Variants in ITK observed in about 807,000 individuals in gnomAD.
ITK encodes the protein IL2 inducible T cell kinase, also known as tyrosine-protein kinase ITK/TSK.
A neutral mutation model predicts 87.6 loss-of-function variants in ITK; 45 were observed. The ratio of observed to expected loss-of-function variants is 0.51; its 90% CI spans 0.40 to 0.66. The LOEUF is 0.66. ITK is among the 30% of genes least tolerant of loss of function. The probability of loss-of-function intolerance (pLI) is 0.00; values close to 1 mark genes in which losing one functional copy is unlikely to be tolerated. For synonymous variants in ITK, 303 were observed against 273.6 expected, an observed-to-expected ratio of 1.11 and a Z score of -1.06; for missense variants, 605 against 766.3, an observed-to-expected ratio of 0.79 and a Z score of 2.48.
chr5:157,252,693 C>G lies in ITK; in HGVS notation c.*15C>G. 6.3e-7 allele frequency: 1 copy of G among 1,586,524 alleles called. No homozygotes were observed. On this transcript the variant is annotated 3_prime_UTR_variant, in exon 17 of 17. Coordinates refer to ENST00000422843, the MANE Select transcript of ITK (RefSeq NM_005546.4). ...CAGGACTTTAGTAGAGACTGAGTAC[C>G]AGGCCACGGGCTGCAGATCCTGAAT...
chr5:157,254,481 G>A lies in ITK; in HGVS notation c.*1803G>A, dbSNP rs189339522. 4 of 220,890 alleles carry A rather than the reference G, an allele frequency of 1.8e-5. No homozygotes were observed. The highest frequency in any genetic ancestry group is 5.7e-5 in the Admixed American group (1 of 17,404). 13.7% of individuals were successfully genotyped at this position (220,890 alleles called of 1,614,324 possible). On this transcript the variant is annotated 3_prime_UTR_variant, in exon 17 of 17. Coordinates refer to ENST00000422843, the MANE Select transcript of ITK (RefSeq NM_005546.4). ...TGTAGTCTTCTTGAACACTTCATGA[G>A]GAGGGACATTCCCTGATATAAGAGA...
chr5:157,214,066 G>A lies in ITK; in HGVS notation c.326-125G>A, dbSNP rs1754247888. 4 of 799,104 alleles carry A rather than the reference G, an allele frequency of 5.0e-6. No homozygotes were observed. In the South Asian group the frequency reaches 5.4e-5, roughly 11 times the overall value. The allele number at this position is 799,104 out of a possible 1,614,324, so 49.5% of individuals were successfully genotyped here. The stretch of plus-strand genomic sequence containing the variant: ...TGCGCTCAGATCAACCCATGCTTCT[G>A]AGTGGTCTGGGCAATACTCATTCAG... On this transcript the variant is annotated intron_variant, in intron 3 of 16. Coordinates refer to ENST00000422843, the MANE Select transcript of ITK (RefSeq NM_005546.4).
At chr5:157,222,136 A>G (rs1754432226) in intron 5 of ITK, among the ~76,000 whole-genome samples, 1 of 152,198 alleles carries the variant, frequency 6.6e-6, no homozygotes, top group South Asian at 2.1e-4. Context: ...ACCACATTCT[A>G]GTGAGGAACT....
chr5:157,243,098 G>A (rs1252798478), intron 11 of ITK, among the ~76,000 whole-genome samples: 1 of 152,198 alleles, frequency 6.6e-6, no homozygotes, highest in Non-Finnish European at 1.5e-5. Flanking sequence ...TGAGGAAATT[G>A]AGCCTCGGAA....
chr5:157,182,181 A>G (rs142672961), intron 1 of ITK, among the ~76,000 whole-genome samples: 27 of 152,354 alleles, frequency 1.8e-4, no homozygotes, highest in Non-Finnish European at 2.9e-4. Flanking sequence ...GACAAGGATT[A>G]TCACTTATAT....
chr5:157,252,702 G>A lies in ITK; in HGVS notation c.*24G>A, dbSNP rs1755167281. On this transcript the variant is annotated 3_prime_UTR_variant, in exon 17 of 17. Coordinates refer to ENST00000422843, the MANE Select transcript of ITK (RefSeq NM_005546.4). ...AGTAGAGACTGAGTACCAGGCCACG[G>A]GCTGCAGATCCTGAATGGAGGAAGG... is the stretch of plus-strand genomic sequence containing the variant. 1.3e-6 allele frequency: 2 copies of A among 1,551,464 alleles called. No individual in the cohort carries two copies. Among genetic ancestry groups the A allele is most frequent in the Non-Finnish European group, 1.8e-6 (2 of 1,122,692 alleles).
chr5:157,209,002 A>G lies in ITK; in HGVS notation c.243+9A>G, dbSNP rs757220870. On this transcript the variant is annotated intron_variant, in intron 2 of 16. Coordinates refer to ENST00000422843, the MANE Select transcript of ITK (RefSeq NM_005546.4). ...ATAAATACCCGTTTCAGGTAAGTCC[A>G]TCAGGTGGGTAGTTCCCCATTCCCT... The G allele has an allele frequency of 1.9e-6, 3 of 1,567,594 alleles. No homozygotes were observed. The East Asian group carries it at 6.7e-5, about 35-fold the overall frequency.
intron 1 of ITK, among the ~76,000 whole-genome samples, chr5:157,201,688 A>AG (rs1488736281): frequency 6.8e-6 from 1 of 147,668 alleles, no homozygotes; most frequent in Non-Finnish European, 1.5e-5. Context: ...CTCCAGATTG[A>AG]GAAAAAAAAG....
intron 1 of ITK, among the ~76,000 whole-genome samples, chr5:157,198,980 T>G (rs554259090): frequency 2.3e-4 from 35 of 152,268 alleles, no homozygotes; most frequent in African/African-American, 8.2e-4. Flanking sequence ...ACCCAGACTG[T>G]TGTTGAACTC....
chr5:157,209,387 C>G (rs558946936), intron 2 of ITK, among the ~76,000 whole-genome samples: 1 of 151,768 alleles, frequency 6.6e-6, no homozygotes, highest in Non-Finnish European at 1.5e-5. Context: ...GGATGACTCT[C>G]TGCCTCTCTG....
chr5:157,211,586 C>T (rs1324064793), intron 3 of ITK: 1 of 583,962 alleles, frequency 1.7e-6, no homozygotes, highest in Non-Finnish European at 3.1e-6. Context: ...TCTTGTCAGG[C>T]TCTGAGCAAT....
At chr5:157,237,941 T>G (rs1029359615) in intron 8 of ITK, among the ~76,000 whole-genome samples, 168 bp from the exon 9 acceptor site, 1 of 152,198 alleles carries the variant, frequency 6.6e-6, no homozygotes, top group African/African-American at 2.4e-5. Context: ...CCAAGAAATA[T>G]CTACGGAAGG....
chr5:157,186,823 C>T (rs1753653716), intron 1 of ITK, among the ~76,000 whole-genome samples: 1 of 152,222 alleles, frequency 6.6e-6, no homozygotes, highest in Non-Finnish European at 1.5e-5. Flanking sequence ...TACCACCTCT[C>T]ATGTTGTCCC....
intron 1 of ITK, among the ~76,000 whole-genome samples, chr5:157,206,730 T>A (rs1293705282): frequency 6.6e-6 from 1 of 152,196 alleles, no homozygotes. Context: ...AGTGGTAACA[T>A]CCTCTTTGTC....
chr5:157,222,857 C>T lies in ITK; in HGVS notation c.496-6C>T. ...TTTGCTTGGTTTTGTTGTCTCTCTT[C>T]CCCAGCGACCACTTTGGGAACCTGA... is the stretch of plus-strand genomic sequence containing the variant. On this transcript the variant is annotated splice_polypyrimidine_tract_variant and splice_region_variant and intron_variant, in intron 5 of 16. Coordinates refer to ENST00000422843, the MANE Select transcript of ITK (RefSeq NM_005546.4). The T allele has an allele frequency of 6.2e-7, 1 of 1,613,930 alleles. No individual in the cohort carries two copies. The highest frequency in any genetic ancestry group is 1.1e-5 in the South Asian group (1 of 91,066).
intron 1 of ITK, among the ~76,000 whole-genome samples, chr5:157,207,935 G>A (rs932885858): frequency 2.0e-5 from 3 of 152,170 alleles, no homozygotes; most frequent in Non-Finnish European, 4.4e-5. Context: ...TATCATTCAG[G>A]ATTTCAGCAT....
intron 3 of ITK, among the ~76,000 whole-genome samples, chr5:157,213,143 G>A (rs569484746): frequency 3.3e-4 from 51 of 152,266 alleles, no homozygotes; most frequent in Non-Finnish European, 8.8e-5. Flanking sequence ...TTACAATCAT[G>A]GTGGAAGGTG....
chr5:157,218,083 G>A (rs1754336483), intron 5 of ITK, among the ~76,000 whole-genome samples, 176 bp downstream of exon 5: 1 of 152,124 alleles, frequency 6.6e-6, no homozygotes, highest in South Asian at 2.1e-4. Flanking sequence ...ACTCTCTTGG[G>A]GGGTCTGTCC....
chr5:157,186,600 C>G (rs531755565), intron 1 of ITK, among the ~76,000 whole-genome samples: 1 of 151,914 alleles, frequency 6.6e-6, no homozygotes, highest in Non-Finnish European at 1.5e-5. Context: ...TGCTTGAACC[C>G]AGGAGGCAGA....
Sources: allele counts gnomAD v4.1 joint callset (sites outside exome capture counted in the v4.1 genomes callset), GRCh38; gene constraint gnomAD v4.1.1; transcripts MANE v1.5; gene names NCBI Gene and HGNC (gene_info 2026-07-23, HGNC 2026-07-21).